Variants in SETD3 observed in about 807,000 individuals in gnomAD.
The protein encoded by SETD3 is actin-histidine N-methyltransferase.
A neutral mutation model predicts 63.0 loss-of-function variants in SETD3; 19 were observed. The ratio of observed to expected loss-of-function variants is 0.30; its 90% CI spans 0.21 to 0.44. The LOEUF is 0.44. Ranked by LOEUF, SETD3 falls within the 20% of genes least tolerant of loss-of-function variation. SETD3 has a pLI of 1.00. For synonymous variants in SETD3, 286 were observed against 264.1 expected (o/e 1.08, Z -0.80); for missense variants, 587 against 728.5 (o/e 0.81, Z 2.24).
rs1895054739 is a variant in SETD3, at chr14:99,461,398, A to G, written c.197-58T>C. 11 of 1,541,990 alleles carry G rather than the reference A, an allele frequency of 7.1e-6. 2 individuals are homozygous for G. The South Asian group carries it at 1.3e-4, about 18-fold the overall frequency. The stretch of plus-strand genomic sequence containing the variant: ...TACTTTTAGGACACATATCATTCAC[A>G]CGTCTCTCAGAAAATAAAAACAGGC... On this transcript the variant is annotated intron_variant, in intron 3 of 12. Transcript: ENST00000331768.
chr14:99,471,934 C>T (rs1297765779), intron 1 of SETD3, among the ~76,000 whole-genome samples: 1 of 152,126 alleles, frequency 6.6e-6, no homozygotes, highest in African/African-American at 2.4e-5. Context: ...CGGCAGTGAC[C>T]ACAGCCAGTT....
intron 1 of SETD3, among the ~76,000 whole-genome samples, chr14:99,473,454 A>G (rs1472980176): frequency 6.6e-6 from 1 of 152,212 alleles, no homozygotes; most frequent in Non-Finnish European, 1.5e-5. Flanking sequence ...AGTTCCCTCG[A>G]AAATGCTGCT....
intron 5 of SETD3, among the ~76,000 whole-genome samples, chr14:99,458,816 C>T (rs945564963): frequency 6.7e-6 from 1 of 149,236 alleles, no homozygotes; most frequent in Non-Finnish European, 1.5e-5. Context: ...TGTAGTGGTG[C>T]ACACCTGTGG....
Position 99,398,798 on chromosome 14 carries a change from C to T in SETD3, c.1666G>A (p.Glu556Lys), listed in dbSNP as rs1566867916. 3 of 1,614,192 alleles carry T rather than the reference C, an allele frequency of 1.9e-6. No individual in the cohort carries two copies. Among genetic ancestry groups the T allele is most frequent in the Non-Finnish European group, 2.5e-6 (3 of 1,180,032 alleles). Residue 556 changes from glutamate (E) to lysine (K), a missense_variant, in exon 13 of 13, where the codon GAA becomes AAA. Glu to Lys is a moderately conservative substitution (Grantham distance 56). Coordinates refer to ENST00000331768, the MANE Select transcript of SETD3 (RefSeq NM_032233.3). ...KATENGLVNG[E>K]NSIPNGTRSE... ...CTGGTCCCATTAGGGATAGAGTTTT[C>T]ACCGTTTACAAGCCCGTTTTCTGTG...
chr14:99,461,133 T>C (rs186264767), intron 4 of SETD3, 59 bp downstream of exon 4: 23 of 1,593,494 alleles, frequency 1.4e-5, no homozygotes, highest in East Asian at 2.2e-5. Flanking sequence ...CTGCGCCCTC[T>C]ACAGCACACC....
In SETD3 at chr14:99,458,411, A is replaced by C. The variant is rs1440238092; in HGVS notation, c.543T>G (p.Ser181Arg). ...FWQPYIQTLPSEYDTPLYFEE... is the reference protein window; with the variant it reads ...FWQPYIQTLPREYDTPLYFEE... Reference sequence around the variant, plus strand: ...CAAAGTAGAGAGGAGTGTCATATTCACTGGGGAGGGTTTGAATATAGGGCT... The same window carrying C: ...CAAAGTAGAGAGGAGTGTCATATTCCCTGGGGAGGGTTTGAATATAGGGCT... The change falls in exon 6 of 13, where the codon AGT becomes AGG. Residue 181 changes from serine to arginine, a missense_variant. Ser to Arg is a moderately radical substitution (Grantham distance 110). Transcript: ENST00000331768. The C allele has an allele frequency of 1.2e-6, 2 of 1,613,984 alleles. No individual in the cohort carries two copies. The highest frequency in any genetic ancestry group is 2.7e-5 in the African/African-American group (2 of 74,892).
intron 11 of SETD3, among the ~76,000 whole-genome samples, chr14:99,403,893 C>T (rs193100224): frequency 1.3e-4 from 20 of 152,330 alleles, no homozygotes; most frequent in African/African-American, 4.6e-4. Context: ...GTGAAAAAGA[C>T]TAGTGCCCCG....
chr14:99,450,147 G>A (rs1353899319), intron 6 of SETD3, among the ~76,000 whole-genome samples: 4 of 152,180 alleles, frequency 2.6e-5, no homozygotes, highest in South Asian at 2.1e-4. Context: ...TAAAGGACAC[G>A]TAGCTATATA....
intron 8 of SETD3, chr14:99,409,907 A>T: frequency 3.5e-6 from 1 of 286,068 alleles, no homozygotes; most frequent in Non-Finnish European, 6.5e-6. Context: ...AACCACAGCG[A>T]TATAGCAATG....
intron 11 of SETD3, among the ~76,000 whole-genome samples, chr14:99,400,948 T>C (rs939078492): frequency 6.6e-6 from 1 of 152,158 alleles, no homozygotes; most frequent in African/African-American, 2.4e-5. Flanking sequence ...GAGACCAACC[T>C]GGGCAATGTG....
upstream of SETD3, among the ~76,000 whole-genome samples, chr14:99,483,197 T>C (rs1010245123): frequency 2.0e-5 from 3 of 152,072 alleles, no homozygotes; most frequent in African/African-American, 7.2e-5. Context: ...CCAACAAGTT[T>C]ATGAGTACTT....
chr14:99,440,667 T>C (rs1220197726), intron 6 of SETD3, among the ~76,000 whole-genome samples: 2 of 150,696 alleles, frequency 1.3e-5, no homozygotes, highest in South Asian at 2.1e-4. Context: ...AAAGAGGGCA[T>C]AGGGTGCACC....
Position 99,398,595 on chromosome 14 carries a change from A to T in SETD3, c.*84T>A, listed in dbSNP as rs1465115738. ...TATCTTCCTCTCTGCAGAAAGAAAA[A>T]TGTTAACAAGGAAACACAGCGATGT... On this transcript the variant is annotated 3_prime_UTR_variant, in exon 13 of 13. Coordinates refer to ENST00000331768, the MANE Select transcript of SETD3 (RefSeq NM_032233.3). 1 of 1,299,772 alleles carries T rather than the reference A, an allele frequency of 7.7e-7. No homozygotes were observed. The highest frequency in any genetic ancestry group is 1.1e-6 in the Non-Finnish European group (1 of 938,576). 80.5% of individuals were successfully genotyped at this position (1,299,772 alleles called of 1,614,324 possible). A position where few individuals can be genotyped will look rare whatever the true frequency, so the allele number is the denominator to read the frequency against.
Position 99,400,128 on chromosome 14 carries a change from G to A in SETD3, c.1309C>T (p.Leu437Phe). 1 of 1,611,778 alleles carries A rather than the reference G, an allele frequency of 6.2e-7. No homozygotes were observed. Among genetic ancestry groups the A allele is most frequent in the East Asian group, 2.2e-5 (1 of 44,848 alleles). ...WTFLEDRASL[L>F]LKTYKTTIEE... ...ATAGTTGTTTTATATGTTTTTAAAA[G>A]AAGTGAGGCTCTATCTTCAAGAAAT... Residue 437 changes from leucine to phenylalanine, a missense_variant, in exon 12 of 13, where the codon CTT (leucine) becomes TTT (phenylalanine). Transcript: ENST00000331768.
At chr14:99,405,165 A>G in intron 10 of SETD3, 40 bp downstream of exon 10, 1 of 1,590,830 alleles carries the variant, frequency 6.3e-7, no homozygotes, top group Middle Eastern at 1.8e-4. Flanking sequence ...AAATAGTTCA[A>G]GTACTGCAAG....
rs892597028 is a variant in SETD3, at chr14:99,399,119, T to C, written c.1345A>G (p.Lys449Glu). ...KTYKTTIEED[K>E]SVLKNHDLSV... ...AGATCGTGGTTTTTCAAGACGGATT[T>C]ATCTTCCTGGAAAACAAGAGCAAAA... The change falls in exon 13 of 13, where the codon AAA becomes GAA. Residue 449 changes from lysine (K) to glutamate (E), a missense_variant. By Grantham distance (56) the Lys-to-Glu change is moderately conservative. Coordinates refer to ENST00000331768, the MANE Select transcript of SETD3 (RefSeq NM_032233.3). The C allele has an allele frequency of 1.2e-6, 2 of 1,612,336 alleles. No individual in the cohort carries two copies. The highest frequency in any genetic ancestry group is 8.5e-7 in the Non-Finnish European group (1 of 1,178,814).
At chr14:99,421,035 T>C (rs1188479196) in intron 6 of SETD3, among the ~76,000 whole-genome samples, 2 of 127,220 alleles carry the variant, frequency 1.6e-5, no homozygotes, top group African/African-American at 6.1e-5. Context: ...TTTCGTTTCT[T>C]TGCCTTTTGA....
At chr14:99,446,276 A>G (rs1277356688) in intron 6 of SETD3, among the ~76,000 whole-genome samples, 2 of 152,214 alleles carry the variant, frequency 1.3e-5, no homozygotes, top group African/African-American at 4.8e-5. Context: ...AAAGCCCTGT[A>G]TTTCTGGCCT....
At chr14:99,481,549 G>T (rs1305767481), upstream of SETD3, 1 of 398,310 alleles carries the variant, frequency 2.5e-6, no homozygotes, top group Non-Finnish European at 4.4e-6. Context: ...GTAGGTTATG[G>T]CCAACCGCCG....
Sources: allele counts gnomAD v4.1 joint callset (sites outside exome capture counted in the v4.1 genomes callset), GRCh38; gene constraint gnomAD v4.1.1; transcripts MANE v1.5; gene names NCBI Gene and HGNC (gene_info 2026-07-23, HGNC 2026-07-21).